CAPN15: variants seen among roughly 807,000 people sequenced by gnomAD.
CAPN15 encodes calpain-15.
CAPN15 carries 53 observed loss-of-function variants against 97.9 expected under a neutral mutation model. The observed-to-expected ratio is 0.54, with a 90% CI of 0.43 to 0.68. The LOEUF is 0.68. Ranked by LOEUF, CAPN15 falls within the 30% of genes least tolerant of loss-of-function variation. The pLI is 0.00. For missense variants in CAPN15, 1,592 were observed against 1,589.8 expected, an observed-to-expected ratio of 1.00 and a Z score of -0.02; for synonymous variants, 922 against 722.5, an observed-to-expected ratio of 1.28 and a Z score of -4.43.
intron 1 of CAPN15, among the ~76,000 whole-genome samples, chr16:532,411 T>G (rs1215379539): frequency 6.6e-6 from 1 of 150,596 alleles, no homozygotes; most frequent in Non-Finnish European, 1.5e-5. Flanking sequence ...AAAAATTAGC[T>G]GGGCGTGGTG....
chr16:538,352 C>G (rs564146564), intron 3 of CAPN15: 18 of 152,198 alleles, frequency 1.2e-4, no homozygotes, highest in African/African-American at 4.1e-4. Context: ...TGTTGACTTG[C>G]GGGCTGGACC....
intron 1 of CAPN15, among the ~76,000 whole-genome samples, chr16:531,661 C>T (rs540960090): frequency 3.4e-5 from 5 of 146,642 alleles, no homozygotes; most frequent in Admixed American, 6.7e-5. Context: ...CCAAGGCCTC[C>T]GTCTCCCTCT....
At chr16:536,001 A>AC (rs1567136235) in intron 2 of CAPN15, 28 bp from the exon 3 acceptor site, 1 of 52,182 alleles carries the variant, frequency 1.9e-5, no homozygotes. Context: ...GTGCCCCTGC[A>AC]CGCCCCCCCC....
rs192281390 is a variant in CAPN15 at position 550,468 on chromosome 16, A to G, written c.2066+630A>G. Among the ~76,000 whole-genome samples the G allele has an allele frequency of 3.1e-4, 47 of 152,234 alleles. 1 individual carries two copies. In the South Asian group the frequency reaches 8.5e-3, roughly 28 times the overall value. On this transcript the variant is annotated intron_variant, in intron 7 of 13. Transcript: ENST00000219611. ...CCTGAACACTTCACGTGGTCCCTAC[A>G]GGCAGGAGTGGGCCCTTCTCTGCTG...
At position 538,569 on chromosome 16, in the gene CAPN15, A is replaced by C. The variant is rs531074846; in HGVS notation, c.-23+2427A>C. 3.9e-5 allele frequency: 6 copies of C among 152,312 alleles called. No individual in the cohort carries two copies. The East Asian group carries it at 1.2e-3, about 29-fold the overall frequency. The allele number at this position is 152,312 out of a possible 1,614,324, so 9.4% of individuals were successfully genotyped here. A position where few individuals can be genotyped will look rare whatever the true frequency, so the allele number is the denominator to read the frequency against. ...TGAAGTGGTTCAGGCGAACGTTATC[A>C]CCACACGGGGGACTCGGCGGCTTCT... On this transcript the variant is annotated intron_variant, in intron 3 of 13. Coordinates refer to ENST00000219611, the MANE Select transcript of CAPN15 (RefSeq NM_005632.3).
At position 535,505 on chromosome 16, in the gene CAPN15, C is replaced by T. The variant is rs2033640010; in HGVS notation, c.-136-524C>T. 6.5e-6 allele frequency: 1 copy of T among 154,242 alleles called. No homozygotes were observed. Among genetic ancestry groups the T allele is most frequent in the African/African-American group, 2.4e-5 (1 of 41,522 alleles). The allele number at this position is 154,242 out of a possible 1,614,324, so 9.6% of individuals were successfully genotyped here. A position where few individuals can be genotyped will look rare whatever the true frequency, so the allele number is the denominator to read the frequency against. ...TGTCCCCACAGGGCAGTGGCGGCCT[C>T]ACCTCTGCAATTCTCTGAGGCTGGA... On this transcript the variant is annotated intron_variant, in intron 2 of 13. Coordinates refer to ENST00000219611, the MANE Select transcript of CAPN15 (RefSeq NM_005632.3). The surrounding 1 kb of genome is among the most constrained non-coding windows in gnomAD (Gnocchi z 6.2).
rs780470465 is a variant in CAPN15 at position 551,432 on chromosome 16, G to C, written c.2192+5G>C. ...CCGAGATGTCCAGGGCACCAGGTAGGGCCGGCCTGGCTGAGGGTGGGTGGG... is the reference window on the plus strand; with the variant it reads ...CCGAGATGTCCAGGGCACCAGGTAGCGCCGGCCTGGCTGAGGGTGGGTGGG... On this transcript the variant is annotated splice_donor_5th_base_variant and intron_variant, in intron 8 of 13. Transcript: ENST00000219611. 5 of 1,604,200 alleles carry C rather than the reference G, an allele frequency of 3.1e-6. No homozygotes were observed. The highest frequency in any genetic ancestry group is 4.3e-6 in the Non-Finnish European group (5 of 1,173,480).
At position 552,712 on chromosome 16, in the gene CAPN15, C is replaced by G. The variant is rs1245196126; in HGVS notation, c.2845C>G (p.Pro949Ala). 1.3e-6 allele frequency: 2 copies of G among 1,544,314 alleles called. No individual in the cohort carries two copies. Among genetic ancestry groups the G allele is most frequent in the East Asian group, 2.4e-5 (1 of 40,868 alleles). ...LVMVEPVEAQ[P>A]TTLADAIILL... ...CATGGTGGAGCCCGTGGAAGCCCAGCCGACCACGCTGGCCGACGCCATCAT... is the reference window on the plus strand; with the variant it reads ...CATGGTGGAGCCCGTGGAAGCCCAGGCGACCACGCTGGCCGACGCCATCAT... The change falls in exon 12 of 14, where the codon CCG becomes GCG. Residue 949 changes from proline (P) to alanine (A), a missense_variant. Coordinates refer to ENST00000219611, the MANE Select transcript of CAPN15 (RefSeq NM_005632.3). This position sits in a 1 kb window ranked among gnomAD's most constrained non-coding sequence, Gnocchi z 6.4.
Position 535,048 on chromosome 16 carries a change from G to A in CAPN15, c.-136-981G>A, listed in dbSNP as rs753023926. On this transcript the variant is annotated intron_variant, in intron 2 of 13. Transcript: ENST00000219611. This position sits in a 1 kb window ranked among gnomAD's most constrained non-coding sequence, Gnocchi z 6.2. Reference sequence around the variant, plus strand: ...CGGAGTGGACACAGCTGTGGGTGCCGCCCGCGCAAGGCTGGGGGTCGCTGT... The same window carrying A: ...CGGAGTGGACACAGCTGTGGGTGCCACCCGCGCAAGGCTGGGGGTCGCTGT... Among the ~76,000 whole-genome samples the A allele has an allele frequency of 3.9e-5, 6 of 152,086 alleles. No individual in the cohort carries two copies. The highest frequency in any genetic ancestry group is 1.3e-4 in the Admixed American group (2 of 15,284).
At chr16:534,816 C>T (rs976806703) in intron 2 of CAPN15, among the ~76,000 whole-genome samples, 1 of 152,176 alleles carries the variant, frequency 6.6e-6, no homozygotes, top group Non-Finnish European at 1.5e-5. Flanking sequence ...ACCCCCAGCT[C>T]GGGCAGGGGT....
rs1036655523 is a variant in CAPN15 at position 540,626 on chromosome 16, C to T, written c.-23+4484C>T. On this transcript the variant is annotated intron_variant, in intron 3 of 13. Transcript: ENST00000219611. ...TGTGTTTCTCACAGGCTGTGCTGCT[C>T]CACGCAGAGAAGCTGTTCCTGAAGC... Among the ~76,000 whole-genome samples the T allele has an allele frequency of 2.3e-4, 35 of 152,350 alleles. 1 individual carries two copies. The highest frequency in any genetic ancestry group is 8.2e-4 in the African/African-American group (34 of 41,588).
At chr16:533,696 C>T (rs918388952) in intron 1 of CAPN15, among the ~76,000 whole-genome samples, 2 of 152,210 alleles carry the variant, frequency 1.3e-5, no homozygotes, top group African/African-American at 4.8e-5. Context: ...CCGCACTGGA[C>T]AGGTCAAGGG....
rs2033700386 is a variant in CAPN15, at chr16:536,115, T to G, written c.-50T>G. On this transcript the variant is annotated 5_prime_UTR_variant, in exon 3 of 14. Transcript: ENST00000219611. Reference sequence around the variant, plus strand: ...GGGTGATTCACGTGTGCCCAGGCCCTGAGGTGGGCCGGACCTGGGAGTGGC... The same window carrying G: ...GGGTGATTCACGTGTGCCCAGGCCCGGAGGTGGGCCGGACCTGGGAGTGGC... 1.0e-6 allele frequency: 1 copy of G among 980,654 alleles called. No homozygotes were observed. The highest frequency in any genetic ancestry group is 1.2e-4 in the East Asian group (1 of 8,562). 60.7% of individuals were successfully genotyped at this position (980,654 alleles called of 1,614,324 possible). A position where few individuals can be genotyped will look rare whatever the true frequency, so the allele number is the denominator to read the frequency against.
At chr16:528,789 G>A in intron 1 of CAPN15, 1 of 981,832 alleles carries the variant, frequency 1.0e-6, no homozygotes, top group Non-Finnish European at 1.2e-6. Flanking sequence ...TGGGGCCAGT[G>A]GGGAAGACTG....
intron 3 of CAPN15, chr16:537,358 A>G: frequency 1.0e-6 from 1 of 985,616 alleles, no homozygotes; most frequent in African/African-American, 1.7e-5. Context: ...TTGGGCCTAA[A>G]GGCATCAGTG....
intron 3 of CAPN15, chr16:537,094 GTCCAGCCT>G (rs2033787622): frequency 1.0e-6 from 1 of 974,470 alleles, no homozygotes; most frequent in Non-Finnish European, 1.2e-6. Context: ...AGAGCCAGCT[GTCCAGCCT>G]CTGTGACAGG....
At position 548,123 on chromosome 16, in the gene CAPN15, G is replaced by A; in HGVS notation, c.1285G>A (p.Ala429Thr). 6.5e-7 allele frequency: 1 copy of A among 1,532,888 alleles called. No individual in the cohort carries two copies. The highest frequency in any genetic ancestry group is 2.0e-5 in the Admixed American group (1 of 50,000). 95.0% of individuals were successfully genotyped at this position (1,532,888 alleles called of 1,614,324 possible). Residue 429 changes from alanine to threonine, a missense_variant, in exon 4 of 14, where the codon GCC (alanine) becomes ACC (threonine). Physicochemically the swap from Ala to Thr is moderately conservative, Grantham distance 58. Around this residue, in one of 3 missense-constraint regions of CAPN15, gnomAD observed 883 missense variants for 776.6 expected, o/e 1.14. Transcript: ENST00000219611. ...CTGTACCCTGCTCAACGCACTGCGG[G>A]CCAAGCACTGCGCCGCCTGCCACAC... ...PACTLLNALR[A>T]KHCAACHTPQ... is the part of the protein sequence containing the mutation.
intron 3 of CAPN15, chr16:540,280 G>A: frequency 1.1e-5 from 11 of 985,498 alleles, no homozygotes; most frequent in African/African-American, 1.7e-5. Context: ...CCCGGCAGCG[G>A]CTGGCTGGTG....
chr16:553,678 T>G lies in CAPN15; in HGVS notation c.*162T>G. The stretch of plus-strand genomic sequence containing the variant: ...GCTTCCCATGGGCCCCCCGCCCCCC[T>G]CCTTCCCCTCCCTGAACCCCACAGT... On this transcript the variant is annotated 3_prime_UTR_variant, in exon 14 of 14. Transcript: ENST00000219611. The G allele has an allele frequency of 6.7e-6, 3 of 449,308 alleles. No individual in the cohort carries two copies. Among genetic ancestry groups the G allele is most frequent in the Non-Finnish European group, 7.6e-6 (2 of 264,350 alleles). 27.8% of individuals were successfully genotyped at this position (449,308 alleles called of 1,614,324 possible). A position where few individuals can be genotyped will look rare whatever the true frequency, so the allele number is the denominator to read the frequency against.
Sources: gnomAD v4.1 joint callset for allele counts (sites outside exome capture counted in the v4.1 genomes callset) on GRCh38, gnomAD v4.1.1 for gene constraint, gnomAD v4.1.1 regional missense constraint, Gnocchi (gnomAD v3.1) non-coding constraint, MANE v1.5 for transcripts, NCBI Gene and HGNC (gene_info 2026-07-23, HGNC 2026-07-21) for gene names.